Variants in DOCK1 observed in about 807,000 individuals in gnomAD.
The protein encoded by DOCK1 is dedicator of cytokinesis protein 1.
Under a neutral mutation model 262.7 loss-of-function variants are expected in DOCK1, and 138 were observed. That is an observed-to-expected ratio of 0.53 (90% confidence interval 0.46 to 0.61). The LOEUF is 0.61. DOCK1 is among the 20% of genes least tolerant of loss of function. The probability of loss-of-function intolerance (pLI) is 0.00; values close to 1 mark genes in which losing one functional copy is unlikely to be tolerated. For synonymous variants in DOCK1, 866 were observed against 867.4 expected (o/e 1.00, Z 0.03); for missense variants, 1,908 against 2,370.7 (o/e 0.80, Z 4.05).
chr10:126,941,638 C>CT (rs1355903539), intron 1 of DOCK1, among the ~76,000 whole-genome samples: 2 of 152,202 alleles, frequency 1.3e-5, no homozygotes, highest in South Asian at 4.2e-4. Context: ...TGCCTGTAGT[C>CT]CCGCTACTCG....
chr10:127,031,756 A>G lies in DOCK1; in HGVS notation c.1728+3A>G. 6.2e-7 allele frequency: 1 copy of G among 1,610,224 alleles called. No individual in the cohort carries two copies. The highest frequency in any genetic ancestry group is 8.5e-7 in the Non-Finnish European group (1 of 1,178,608). ...AGCACGATCTTATCGTCTATAAGGT[A>G]TCTGGTTGCATTGGTGCAATATTGC... On this transcript the variant is annotated splice_donor_region_variant and intron_variant, in intron 17 of 51. Transcript: ENST00000623213.
intron 19 of DOCK1, among the ~76,000 whole-genome samples, chr10:127,041,126 G>A (rs994384055): frequency 1.3e-5 from 2 of 152,116 alleles, no homozygotes; most frequent in African/African-American, 4.8e-5. Flanking sequence ...TTGTGCTCTT[G>A]TTGGCCAGGC....
chr10:127,199,084 G>A (rs1209421195), intron 27 of DOCK1, among the ~76,000 whole-genome samples: 1 of 152,040 alleles, frequency 6.6e-6, no homozygotes, highest in African/African-American at 2.4e-5. Context: ...AAACTTGATA[G>A]ATTCATTTTA....
At chr10:127,242,725 G>A (rs2059305325) in intron 27 of DOCK1, among the ~76,000 whole-genome samples, 2 of 152,074 alleles carry the variant, frequency 1.3e-5, no homozygotes, top group African/African-American at 4.8e-5. Context: ...ATGATTATAA[G>A]ATGGGTTTAT....
rs757802603 is a variant in DOCK1 at position 127,176,198 on chromosome 10, C to G, written c.2847+48434C>G. 6 of 1,613,950 alleles carry G rather than the reference C, an allele frequency of 3.7e-6. No homozygotes were observed. The highest frequency in any genetic ancestry group is 3.3e-5 in the South Asian group (3 of 91,080). ...CCTCCCGCTTCTCCCCCAGCTGGCC[C>G]GAGGACAGCTGTGTGTCCCTCTGCT... is the stretch of plus-strand genomic sequence containing the variant. On this transcript the variant is annotated intron_variant, in intron 27 of 51. Coordinates refer to ENST00000623213, the MANE Select transcript of DOCK1 (RefSeq NM_001290223.2). The surrounding 1 kb of genome is among the most constrained non-coding windows in gnomAD (Gnocchi z 4.4).
chr10:127,383,942 G>A (rs931588898), intron 37 of DOCK1, among the ~76,000 whole-genome samples: 3 of 152,060 alleles, frequency 2.0e-5, no homozygotes, highest in African/African-American at 7.2e-5. Context: ...CTGTAGAAGG[G>A]TCTTGCTCTG....
At chr10:126,954,387 C>T (rs1427275473) in intron 1 of DOCK1, among the ~76,000 whole-genome samples, 3 of 152,242 alleles carry the variant, frequency 2.0e-5, no homozygotes, top group African/African-American at 7.2e-5. Flanking sequence ...TCTGCTGTCA[C>T]ATCTTGAAAT....
At position 127,052,825 on chromosome 10, in the gene DOCK1, T is replaced by C. The variant is rs1354364822; in HGVS notation, c.2336+10T>C. The C allele has an allele frequency of 6.2e-7, 1 of 1,605,094 alleles. No homozygotes were observed. Among genetic ancestry groups the C allele is most frequent in the Non-Finnish European group, 8.5e-7 (1 of 1,175,198 alleles). The stretch of plus-strand genomic sequence containing the variant: ...GGATCCTGTTCAATCAGTGCGTACC[T>C]ATCCCCTCCATGCCCGGGCTCTCAG... On this transcript the variant is annotated intron_variant, in intron 22 of 51. Coordinates refer to ENST00000623213, the MANE Select transcript of DOCK1 (RefSeq NM_001290223.2).
intron 27 of DOCK1, among the ~76,000 whole-genome samples, chr10:127,231,833 C>T (rs1442593764): frequency 6.6e-6 from 1 of 152,158 alleles, no homozygotes; most frequent in Non-Finnish European, 1.5e-5. Flanking sequence ...AGTGCATTCG[C>T]TCAGACATCT....
intron 50 of DOCK1, 139 bp from the exon 51 acceptor site, chr10:127,447,255 C>A: frequency 1.6e-6 from 2 of 1,257,312 alleles, no homozygotes; most frequent in Non-Finnish European, 1.1e-6. Context: ...CCCTCATCTG[C>A]TCTGTTGACA....
At position 127,034,091 on chromosome 10, in the gene DOCK1, C is replaced by T. The variant is rs144178437; in HGVS notation, c.1912+1771C>T. On this transcript the variant is annotated intron_variant, in intron 18 of 51. Coordinates refer to ENST00000623213, the MANE Select transcript of DOCK1 (RefSeq NM_001290223.2). ...CGTGCAGTGGGGAAGGGAGAGAATG[C>T]ACAGGGAGCCTGCTAGTGGCATGCC... 1.7e-3 allele frequency among the ~76,000 whole-genome samples: 256 copies of T among 152,238 alleles called. 1 individual carries two copies. Among genetic ancestry groups the T allele is most frequent in the African/African-American group, 6.0e-3 (249 of 41,536 alleles).
chr10:127,351,675 CA>C (rs2063887016), intron 31 of DOCK1, among the ~76,000 whole-genome samples: 1 of 152,108 alleles, frequency 6.6e-6, no homozygotes, highest in Non-Finnish European at 1.5e-5. Context: ...TGCTTCCAGG[CA>C]ATAAGCTTTA....
intron 23 of DOCK1, among the ~76,000 whole-genome samples, chr10:127,070,415 A>G (rs969541540): frequency 2.6e-5 from 4 of 151,454 alleles, no homozygotes; most frequent in Admixed American, 6.6e-5. Context: ...TACCACGCCA[A>G]GCTAATTTTT....
intron 38 of DOCK1, among the ~76,000 whole-genome samples, chr10:127,389,840 C>T (rs1390524516): frequency 1.3e-5 from 2 of 152,176 alleles, no homozygotes; most frequent in Admixed American, 6.5e-5. Context: ...ATGACAAAAC[C>T]CCGTTTCTAC....
At chr10:127,192,141 CTCTCT>C in intron 27 of DOCK1, among the ~76,000 whole-genome samples, 1 of 152,244 alleles carries the variant, frequency 6.6e-6, no homozygotes, top group East Asian at 1.9e-4. Context: ...AGATGTAAGA[CTCTCT>C]TCTTTTCTTT....
intron 29 of DOCK1, among the ~76,000 whole-genome samples, chr10:127,315,947 C>T (rs2062258871): frequency 6.6e-6 from 1 of 152,116 alleles, no homozygotes; most frequent in Non-Finnish European, 1.5e-5. Flanking sequence ...GATCCACCCA[C>T]CTCAGCCTCC....
At chr10:127,450,862 C>G (rs2070914369) in intron 51 of DOCK1, among the ~76,000 whole-genome samples, 1 of 152,166 alleles carries the variant, frequency 6.6e-6, no homozygotes. Flanking sequence ...CATTGAGTGG[C>G]TGCAACAGAG....
At chr10:127,338,471 C>A (rs1325160752) in intron 29 of DOCK1, among the ~76,000 whole-genome samples, 2 of 152,120 alleles carry the variant, frequency 1.3e-5, no homozygotes, top group East Asian at 3.9e-4. Flanking sequence ...AAGCTTTTAA[C>A]TTCTTCTCTA....
intron 32 of DOCK1, among the ~76,000 whole-genome samples, chr10:127,359,663 T>G (rs1039774713): frequency 6.6e-6 from 1 of 152,242 alleles, no homozygotes; most frequent in Non-Finnish European, 1.5e-5. Flanking sequence ...GTCAAAATAT[T>G]AATTATTTAG....
Sources: gnomAD v4.1 joint callset for allele counts (sites outside exome capture counted in the v4.1 genomes callset) on GRCh38, gnomAD v4.1.1 for gene constraint, Gnocchi (gnomAD v3.1) non-coding constraint, MANE v1.5 for transcripts, NCBI Gene and HGNC (gene_info 2026-07-23, HGNC 2026-07-21) for gene names.